FRMD3: variants seen among roughly 807,000 people sequenced by gnomAD.
FRMD3 encodes the protein FERM domain containing 3, also known as FERM domain-containing protein 3.
FRMD3 carries 33 observed loss-of-function variants against 70.2 expected under a neutral mutation model. The observed-to-expected ratio is 0.47, with a 90% CI of 0.36 to 0.63. The LOEUF (loss-of-function observed/expected upper bound fraction) is 0.63. Ranked by LOEUF, FRMD3 falls within the 20% of genes least tolerant of loss-of-function variation. The probability of loss-of-function intolerance (pLI) is 0.00; values close to 1 mark genes in which losing one functional copy is unlikely to be tolerated. For missense variants in FRMD3, 632 were observed against 711.4 expected (o/e 0.89, Z 1.27); for synonymous variants, 279 against 255.9 (o/e 1.09, Z -0.86).
At chr9:83,405,080 C>T (rs946923215) in intron 1 of FRMD3, among the ~76,000 whole-genome samples, 3 of 152,128 alleles carry the variant, frequency 2.0e-5, no homozygotes, top group Non-Finnish European at 4.4e-5. Context: ...GAGTGAAGAC[C>T]GACCATCTCT....
At position 83,538,361 on chromosome 9, in the gene FRMD3, G is replaced by GGGC; in HGVS notation, c.-133_-131dup. The GGGC allele has an allele frequency of 1.2e-6, 1 of 808,302 alleles. No individual in the cohort carries two copies. The highest frequency in any genetic ancestry group is 1.7e-6 in the Non-Finnish European group (1 of 601,640). The allele number at this position is 808,302 out of a possible 1,614,324, so 50.1% of individuals were successfully genotyped here. ...TCAGCCCCGGGACATCGGCAGCGTC[G>GGGC]GGCGCCTGCGGACACACATGCCCAG... On this transcript the variant is annotated 5_prime_UTR_variant, in exon 1 of 14. Coordinates refer to ENST00000304195, the MANE Select transcript of FRMD3 (RefSeq NM_174938.6). The surrounding 1 kb of genome is among the most constrained non-coding windows in gnomAD (Gnocchi z 4.7).
At chr9:83,289,571 A>C (rs1834337761) in intron 13 of FRMD3, among the ~76,000 whole-genome samples, 1 of 152,216 alleles carries the variant, frequency 6.6e-6, no homozygotes, top group Non-Finnish European at 1.5e-5. Context: ...ATTCCAAGCC[A>C]TATCCTTATT....
At chr9:83,337,884 A>G (rs1416074591) in intron 5 of FRMD3, among the ~76,000 whole-genome samples, 1 of 152,230 alleles carries the variant, frequency 6.6e-6, no homozygotes, top group South Asian at 2.1e-4. Context: ...AAATACTTTC[A>G]GTCACAAAGG....
chr9:83,356,181 G>T (rs1246151361), intron 3 of FRMD3, among the ~76,000 whole-genome samples: 1 of 151,866 alleles, frequency 6.6e-6, no homozygotes, highest in Non-Finnish European at 1.5e-5. Context: ...AGGGAAAAAG[G>T]GACTTTCTTT....
At chr9:83,534,072 A>T (rs1302701856) in intron 1 of FRMD3, among the ~76,000 whole-genome samples, 1 of 152,178 alleles carries the variant, frequency 6.6e-6, no homozygotes, top group Non-Finnish European at 1.5e-5. Flanking sequence ...TTAGAGTCAA[A>T]CCTCATCCTC....
intron 13 of FRMD3, among the ~76,000 whole-genome samples, chr9:83,289,575 C>A (rs959146605): frequency 1.3e-5 from 2 of 152,186 alleles, no homozygotes; most frequent in African/African-American, 4.8e-5. Context: ...CAAGCCATAT[C>A]CTTATTATAG....
At chr9:83,327,966 G>A (rs1836087128) in intron 6 of FRMD3, among the ~76,000 whole-genome samples, 1 of 152,086 alleles carries the variant, frequency 6.6e-6, no homozygotes, top group East Asian at 1.9e-4. Context: ...CAGAGCATTA[G>A]ATAAAATGCT....
At chr9:83,442,948 T>C (rs10119092) in intron 1 of FRMD3, among the ~76,000 whole-genome samples, 27 of 152,208 alleles carry the variant, frequency 1.8e-4, no homozygotes, top group African/African-American at 6.3e-4. Flanking sequence ...TTATGTCTTA[T>C]GTTCATACTA....
intron 2 of FRMD3, among the ~76,000 whole-genome samples, chr9:83,384,205 T>C (rs966539162): frequency 2.6e-5 from 4 of 152,204 alleles, no homozygotes; most frequent in African/African-American, 9.7e-5. Context: ...AGAGGACTCA[T>C]TGAGCAGACA....
chr9:83,579,731 G>GT, the FRMD3 span, among the ~76,000 whole-genome samples: 54 of 152,104 alleles, frequency 3.6e-4, no homozygotes, highest in African/African-American at 1.1e-3. Context: ...GGGCGCAATG[G>GT]TTTTTTGGAT....
chr9:83,504,099 C>T (rs1198005629), intron 1 of FRMD3, among the ~76,000 whole-genome samples: 1 of 152,124 alleles, frequency 6.6e-6, no homozygotes. Flanking sequence ...GTTTGTACTG[C>T]TCTGTGGTGA....
At chr9:83,267,173 T>G in intron 13 of FRMD3, 1 of 1,550,540 alleles carries the variant, frequency 6.4e-7, no homozygotes, top group Non-Finnish European at 8.7e-7. Context: ...CTCCTCGGCC[T>G]GCATGGCCCA....
intron 1 of FRMD3, among the ~76,000 whole-genome samples, chr9:83,426,022 T>C (rs1826799792): frequency 6.6e-6 from 1 of 151,940 alleles, no homozygotes; most frequent in Non-Finnish European, 1.5e-5. Context: ...TGTGCACATG[T>C]GCTCACAAGC....
chr9:83,369,812 A>C (rs1013245815), intron 3 of FRMD3, among the ~76,000 whole-genome samples: 5 of 152,264 alleles, frequency 3.3e-5, no homozygotes, highest in African/African-American at 1.2e-4. Context: ...ATTCATAAAA[A>C]TTCTTGGAAG....
At chr9:83,397,650 A>G (rs568112423) in intron 1 of FRMD3, among the ~76,000 whole-genome samples, 5 of 152,290 alleles carry the variant, frequency 3.3e-5, no homozygotes, top group African/African-American at 1.2e-4. Context: ...GGGAGCTGTG[A>G]GGCCTCATTT....
At position 83,450,346 on chromosome 9, in the gene FRMD3, AGTTTT is replaced by A. The variant is rs1192183005; in HGVS notation, c.148-60643_148-60639del. 4.7e-5 allele frequency among the ~76,000 whole-genome samples: 4 copies of A among 85,650 alleles called. No individual in the cohort carries two copies. The East Asian group carries it at 1.9e-3, about 41-fold the overall frequency. 56.2% of individuals were successfully genotyped at this position (85,650 alleles called of 152,430 possible). ...TAATGAGATCCCAACTGTCACCCTC[AGTTTT>A]TTTTTTTTTTTTTTTTTTTATTATA... On this transcript the variant is annotated intron_variant, in intron 1 of 13. Transcript: ENST00000304195.
At chr9:83,311,268 CCTGA>C (rs1296691713) in intron 8 of FRMD3, among the ~76,000 whole-genome samples, 4 of 148,874 alleles carry the variant, frequency 2.7e-5, no homozygotes, top group Non-Finnish European at 5.9e-5. Context: ...GACCAATGCG[CCTGA>C]CTGAGAATGG....
chr9:83,507,875 A>G (rs1371939759), intron 1 of FRMD3, among the ~76,000 whole-genome samples: 2 of 151,334 alleles, frequency 1.3e-5, no homozygotes, highest in Non-Finnish European at 2.9e-5. Context: ...TATTAAATAC[A>G]TGAACCAGTA....
chr9:83,535,786 G>A (rs1386703277), intron 1 of FRMD3, among the ~76,000 whole-genome samples: 1 of 152,198 alleles, frequency 6.6e-6, no homozygotes, highest in Admixed American at 6.5e-5. Context: ...CAGACAGGCA[G>A]ATGTGGGCTA....
Sources: allele counts gnomAD v4.1 joint callset (sites outside exome capture counted in the v4.1 genomes callset), GRCh38; gene constraint gnomAD v4.1.1; non-coding constraint Gnocchi (gnomAD v3.1); transcripts MANE v1.5; gene names NCBI Gene and HGNC (gene_info 2026-07-23, HGNC 2026-07-21).